The following COL5A2 variants were observed in gnomAD, a reference collection of about 807,000 sequenced individuals.
The protein encoded by COL5A2 is collagen alpha-2(V) chain.
In COL5A2, 23 loss-of-function variants were observed where a neutral mutation model predicts 208.2. The observed-to-expected ratio is 0.11, with a 90% CI of 0.08 to 0.16. The LOEUF (loss-of-function observed/expected upper bound fraction) is 0.16, where lower values mean the gene tolerates loss of function less well. Among genes scored for constraint, COL5A2 ranks in the 10% least tolerant of loss-of-function variants. The pLI, the probability that COL5A2 is intolerant of heterozygous loss-of-function variation, is 1.00. For missense variants in COL5A2, 1,590 were observed against 1,956.4 expected (o/e 0.81, Z 3.53); for synonymous variants, 625 against 628.5 (o/e 0.99, Z 0.08).
intron 6 of COL5A2, among the ~76,000 whole-genome samples, chr2:189,092,862 C>T (rs1057182118): frequency 6.6e-6 from 1 of 152,076 alleles, no homozygotes; most frequent in African/African-American, 2.4e-5. Context: ...CCCTTCCCCC[C>T]AAAATTCAAG....
intron 11 of COL5A2, among the ~76,000 whole-genome samples, chr2:189,084,752 T>G (rs10182790): frequency 6.6e-6 from 1 of 152,346 alleles, no homozygotes; most frequent in Non-Finnish European, 1.5e-5. Flanking sequence ...GGGAGCCATA[T>G]TGGCACTATA....
At chr2:189,139,663 A>T (rs1008200312) in intron 1 of COL5A2, among the ~76,000 whole-genome samples, 2 of 152,240 alleles carry the variant, frequency 1.3e-5, no homozygotes, top group Non-Finnish European at 2.9e-5. Flanking sequence ...TTCGTTGTGA[A>T]TGTAAGATGT....
intron 1 of COL5A2, 109 bp from the exon 2 acceptor site, chr2:189,110,558 C>T (rs1223587808): frequency 2.2e-6 from 2 of 915,108 alleles, no homozygotes; most frequent in East Asian, 5.2e-5. Flanking sequence ...AAGAAGTAAC[C>T]TTCCAAGGAG....
the COL5A2 span, among the ~76,000 whole-genome samples, chr2:189,250,393 A>G: frequency 6.6e-6 from 1 of 152,234 alleles, no homozygotes; most frequent in East Asian, 1.9e-4. Context: ...ATTTGACTTC[A>G]TAACCCATGC....
the COL5A2 span, among the ~76,000 whole-genome samples, chr2:189,382,844 A>C: frequency 6.6e-6 from 1 of 152,166 alleles, no homozygotes; most frequent in Non-Finnish European, 1.5e-5. Flanking sequence ...AACATTCACA[A>C]GGGTGGGGAG....
chr2:189,086,878 A>G, intron 8 of COL5A2, 108 bp from the exon 9 acceptor site: 3 of 906,466 alleles, frequency 3.3e-6, no homozygotes, highest in Non-Finnish European at 5.3e-6. Context: ...AGTTTTGACA[A>G]AGGGGGATGA....
At chr2:189,285,176 G>A in the COL5A2 span, among the ~76,000 whole-genome samples, 3 of 151,410 alleles carry the variant, frequency 2.0e-5, no homozygotes, top group African/African-American at 7.3e-5. Context: ...GAGCAAGGCA[G>A]TATGAACCCC....
chr2:189,186,699 T>C (rs1258579260), intron 1 of COL5A2, among the ~76,000 whole-genome samples: 1 of 152,158 alleles, frequency 6.6e-6, no homozygotes, highest in Non-Finnish European at 1.5e-5. Flanking sequence ...CACTGCTTTT[T>C]AAAAAAATTA....
At chr2:189,085,827 C>A in intron 9 of COL5A2, 55 bp from the exon 10 acceptor site, 1 of 1,389,364 alleles carries the variant, frequency 7.2e-7, no homozygotes, top group South Asian at 1.2e-5. Context: ...AATATTAAAC[C>A]CTGTACTCTG....
chr2:189,237,936 C>G, the COL5A2 span, among the ~76,000 whole-genome samples: 1 of 151,768 alleles, frequency 6.6e-6, no homozygotes, highest in African/African-American at 2.4e-5. Flanking sequence ...CATTTTATAG[C>G]TTTTATCGGA....
At chr2:189,344,825 C>G in the COL5A2 span, among the ~76,000 whole-genome samples, 8 of 152,198 alleles carry the variant, frequency 5.3e-5, no homozygotes, top group African/African-American at 1.9e-4. Flanking sequence ...AGACTCACCT[C>G]CAGCCAAAAA....
chr2:189,243,946 G>A, the COL5A2 span, among the ~76,000 whole-genome samples: 1 of 152,210 alleles, frequency 6.6e-6, no homozygotes, highest in African/African-American at 2.4e-5. Context: ...TGCACCCTCT[G>A]AAGCCACAGC....
At chr2:189,218,938 C>T (rs1239108962) in intron 1 of COL5A2, among the ~76,000 whole-genome samples, 2 of 152,030 alleles carry the variant, frequency 1.3e-5, no homozygotes, top group Non-Finnish European at 2.9e-5. Context: ...TAGTAAAAAC[C>T]GGAAGTTACT....
chr2:189,312,049 A>T, the COL5A2 span: 3 of 758,104 alleles, frequency 4.0e-6, no homozygotes, highest in Admixed American at 5.1e-5. Flanking sequence ...TTGACTCTGA[A>T]GTCATCAGCA....
chr2:189,268,015 G>A, the COL5A2 span, among the ~76,000 whole-genome samples: 5 of 151,890 alleles, frequency 3.3e-5, no homozygotes, highest in Admixed American at 1.3e-4. Flanking sequence ...CAGATATGTG[G>A]GCTTTATATG....
chr2:189,189,878 A>G (rs1453828098), intron 1 of COL5A2, among the ~76,000 whole-genome samples: 6 of 152,196 alleles, frequency 3.9e-5, no homozygotes, highest in African/African-American at 1.2e-4. Context: ...ACAAGGACCC[A>G]TGCATTGATT....
the COL5A2 span, among the ~76,000 whole-genome samples, chr2:189,396,288 A>C: frequency 6.6e-6 from 1 of 152,208 alleles, no homozygotes; most frequent in Non-Finnish European, 1.5e-5. Flanking sequence ...CATGCAGACA[A>C]TTTTGGAAAT....
chr2:189,141,661 C>T (rs559303970), intron 1 of COL5A2, among the ~76,000 whole-genome samples: 7 of 152,236 alleles, frequency 4.6e-5, no homozygotes, highest in East Asian at 3.9e-4. Context: ...CAACTTCCCC[C>T]GAATTCTTGA....
the COL5A2 span, among the ~76,000 whole-genome samples, chr2:189,336,993 C>T: frequency 6.6e-6 from 1 of 152,074 alleles, no homozygotes; most frequent in Non-Finnish European, 1.5e-5. Flanking sequence ...CTATTTTTTT[C>T]TGGCCTACTT....
Sources: gnomAD v4.1 joint callset for allele counts (sites outside exome capture counted in the v4.1 genomes callset) on GRCh38, gnomAD v4.1.1 for gene constraint, MANE v1.5 for transcripts, NCBI Gene and HGNC (gene_info 2026-07-23, HGNC 2026-07-21) for gene names.